ANKDD1A: variants seen among roughly 807,000 people sequenced by gnomAD.
The protein encoded by ANKDD1A is ankyrin repeat and death domain containing 1A.
Under a neutral mutation model 63.5 loss-of-function variants are expected in ANKDD1A, and 59 were observed. The ratio of observed to expected loss-of-function variants is 0.93; its 90% CI spans 0.75 to 1.15. ANKDD1A has a LOEUF of 1.15. Ranked by LOEUF, ANKDD1A falls within the 50% of genes most tolerant of loss-of-function variation. ANKDD1A has a pLI of 0.00. For synonymous variants in ANKDD1A, 266 were observed against 263.9 expected, an observed-to-expected ratio of 1.01 and a Z score of -0.08; for missense variants, 632 against 656.4, an observed-to-expected ratio of 0.96 and a Z score of 0.41.
chr15:64,912,736 A>G (rs1287800852), intron 1 of ANKDD1A, among the ~76,000 whole-genome samples: 1 of 152,246 alleles, frequency 6.6e-6, no homozygotes, highest in East Asian at 1.9e-4. Context: ...GCTTTCCCTC[A>G]AAAGCGCATA....
In ANKDD1A at chr15:64,942,003, G is replaced by A. The variant is rs1014014471; in HGVS notation, c.868-464G>A. Among the ~76,000 whole-genome samples the A allele has an allele frequency of 2.6e-5, 4 of 152,172 alleles. No individual in the cohort carries two copies. The East Asian group carries it at 7.7e-4, about 29-fold the overall frequency. On this transcript the variant is annotated intron_variant, in intron 9 of 14. Coordinates refer to ENST00000319580, the MANE Select transcript of ANKDD1A (RefSeq NM_182703.6). ...GTTCCTATTAGCTAAGTATCCTTGGGTAAGTCATTTAAGTTTTCTGAACTT... is the reference window on the plus strand; with the variant it reads ...GTTCCTATTAGCTAAGTATCCTTGGATAAGTCATTTAAGTTTTCTGAACTT...
Position 64,931,597 on chromosome 15 carries a change from C to T in ANKDD1A, c.768+12C>T, listed in dbSNP as rs775499473. The T allele has an allele frequency of 8.1e-6, 13 of 1,613,290 alleles. No homozygotes were observed. In the East Asian group the frequency reaches 2.5e-4, roughly 30 times the overall value. On this transcript the variant is annotated intron_variant, in intron 8 of 14. Coordinates refer to ENST00000319580, the MANE Select transcript of ANKDD1A (RefSeq NM_182703.6). The stretch of plus-strand genomic sequence containing the variant: ...ATGCCCTCACCCAGGTAGCCAGGCC[C>T]TCCCAAGACTGCGGTCGGCTCTTGG...
At chr15:64,941,958 A>T (rs550815369) in intron 9 of ANKDD1A, among the ~76,000 whole-genome samples, 2 of 152,322 alleles carry the variant, frequency 1.3e-5, no homozygotes, top group East Asian at 3.9e-4. Context: ...TGGTGGGAGT[A>T]GAAAGTCCAA....
intron 14 of ANKDD1A, 35 bp from the exon 15 acceptor site, chr15:64,957,068 T>A: frequency 2.2e-6 from 1 of 450,074 alleles, no homozygotes. Flanking sequence ...ATTGTTTTGT[T>A]TTGTTTTTTG....
chr15:64,915,001 T>G (rs2084958550), intron 1 of ANKDD1A, among the ~76,000 whole-genome samples: 1 of 151,386 alleles, frequency 6.6e-6, no homozygotes, highest in African/African-American at 2.4e-5. Context: ...TGGTTAGGAT[T>G]TGGGCAAGAG....
intron 1 of ANKDD1A, chr15:64,914,164 C>G (rs1421457894): frequency 1.3e-5 from 2 of 151,822 alleles, no homozygotes; most frequent in Non-Finnish European, 2.9e-5. Context: ...ATTTTTGTAT[C>G]TTTAGTAGAG....
At chr15:64,914,990 C>A (rs2084958502) in intron 1 of ANKDD1A, among the ~76,000 whole-genome samples, 1 of 152,018 alleles carries the variant, frequency 6.6e-6, no homozygotes, top group Non-Finnish European at 1.5e-5. Context: ...CAGGTGGAAG[C>A]TGGTTAGGAT....
At chr15:64,954,618 TCTTTTCTTCTTC>T (rs1188761532) in intron 14 of ANKDD1A, among the ~76,000 whole-genome samples, 1,593 of 116,238 alleles carry the variant, frequency 0.014, 29 homozygotes, top group African/African-American at 0.046. Context: ...TCCTCCTTCC[TCTTTTCTTCTTC>T]CTTTTCTTCT....
intron 4 of ANKDD1A, among the ~76,000 whole-genome samples, chr15:64,923,412 G>T (rs1032926547): frequency 9.9e-5 from 15 of 152,110 alleles, no homozygotes; most frequent in African/African-American, 3.4e-4. Context: ...ATAGTAATTT[G>T]TTATAGCAGC....
intron 14 of ANKDD1A, among the ~76,000 whole-genome samples, chr15:64,951,913 CTTG>C (rs1321514180): frequency 2.6e-4 from 33 of 128,444 alleles, no homozygotes; most frequent in African/African-American, 6.9e-4. Flanking sequence ...TCTTCGTCCT[CTTG>C]TTCTTTCCTC....
rs1428478311 is a variant in ANKDD1A at position 64,943,490 on chromosome 15, C to G, written c.973C>G (p.Gln325Glu). Reference sequence around the variant, plus strand: ...CCCTTGGCTTCTCCCCTAGAGGCAGCAGACGCCCCTTCACCTGGCTGCAGA... The same window carrying G: ...CCCTTGGCTTCTCCCCTAGAGGCAGGAGACGCCCCTTCACCTGGCTGCAGA... ...SDVNAVDNRQ[Q>E]TPLHLAAEHA... The change falls in exon 11 of 15, where the codon CAG becomes GAG. Residue 325 changes from glutamine to glutamate, a missense_variant. Physicochemically the swap from Gln to Glu is conservative, Grantham distance 29 (BLOSUM62 2). Transcript: ENST00000319580. 1 of 1,614,176 alleles carries G rather than the reference C, an allele frequency of 6.2e-7. No individual in the cohort carries two copies. Among genetic ancestry groups the G allele is most frequent in the Admixed American group, 1.7e-5 (1 of 60,030 alleles).
At position 64,926,065 on chromosome 15, in the gene ANKDD1A, G is replaced by T; in HGVS notation, c.367-1G>T. Reference sequence around the variant, plus strand: ...AGGAACCCTCCTGCACTTGTTTCCAGGATGGCCTGACCTTACTGCACTGCG... The same window carrying T: ...AGGAACCCTCCTGCACTTGTTTCCATGATGGCCTGACCTTACTGCACTGCG... On this transcript the variant is annotated splice_acceptor_variant, in intron 4 of 14. Transcript: ENST00000319580. LOFTEE classifies it high-confidence loss of function. 1 of 1,612,602 alleles carries T rather than the reference G, an allele frequency of 6.2e-7. No homozygotes were observed. Among genetic ancestry groups the T allele is most frequent in the Non-Finnish European group, 8.5e-7 (1 of 1,179,558 alleles).
chr15:64,917,732 C>T (rs998252302), intron 3 of ANKDD1A, among the ~76,000 whole-genome samples: 3 of 152,222 alleles, frequency 2.0e-5, no homozygotes, highest in Admixed American at 2.0e-4. Flanking sequence ...TTTCAGTTCT[C>T]AGAGAGCCTT....
At position 64,949,972 on chromosome 15, in the gene ANKDD1A, G is replaced by T; in HGVS notation, c.1483G>T (p.Gly495Cys). ...GGCCATTGGCAGGAGGGACCTGGCT[G>T]GTAAGAGCGTACTCTGCTGGGCTGC... ...LVAIGRRDLA[G>C]WSTMARSQLT... Residue 495 changes from glycine (G) to cysteine (C), a missense_variant and splice_region_variant, in exon 14 of 15, where the codon GGC (glycine) becomes TGC (cysteine). Gly to Cys is a radical substitution (Grantham distance 159). Transcript: ENST00000319580. 1 of 1,609,186 alleles carries T rather than the reference G, an allele frequency of 6.2e-7. No individual in the cohort carries two copies. The highest frequency in any genetic ancestry group is 1.1e-5 in the South Asian group (1 of 91,052).
intron 6 of ANKDD1A, among the ~76,000 whole-genome samples, chr15:64,929,067 G>A (rs1345393520): frequency 1.3e-5 from 2 of 152,210 alleles, no homozygotes; most frequent in Non-Finnish European, 2.9e-5. Flanking sequence ...GTCCTGGCTC[G>A]CAGCAGCCAG....
intron 14 of ANKDD1A, among the ~76,000 whole-genome samples, chr15:64,955,953 T>G (rs2085412855): frequency 6.6e-6 from 1 of 152,124 alleles, no homozygotes; most frequent in African/African-American, 2.4e-5. Context: ...AAGCAAAAGA[T>G]TGGAAACAAA....
Position 64,931,474 on chromosome 15 carries a change from T to G in ANKDD1A, c.670-13T>G. 6.2e-7 allele frequency: 1 copy of G among 1,612,178 alleles called. No individual in the cohort carries two copies. The highest frequency in any genetic ancestry group is 8.5e-7 in the Non-Finnish European group (1 of 1,179,114). On this transcript the variant is annotated splice_polypyrimidine_tract_variant and intron_variant, in intron 7 of 14. Transcript: ENST00000319580. ...CTCCCCACCATCCTCATTGCTCTTC[T>G]TGTGTGTTGCAGGAAGGTCTGACTG...
At chr15:64,918,345 T>C (rs1157040957) in intron 3 of ANKDD1A, among the ~76,000 whole-genome samples, 1 of 152,244 alleles carries the variant, frequency 6.6e-6, no homozygotes, top group Non-Finnish European at 1.5e-5. Context: ...CCGGCTTCTC[T>C]CTGCTCCCAG....
chr15:64,953,370 C>T (rs1298697839), intron 14 of ANKDD1A, among the ~76,000 whole-genome samples: 1 of 113,924 alleles, frequency 8.8e-6, no homozygotes, highest in Non-Finnish European at 1.9e-5. Context: ...CTTTCTTCTC[C>T]TTCTTTTCCT....
Sources: gnomAD v4.1 joint callset for allele counts (sites outside exome capture counted in the v4.1 genomes callset) on GRCh38, gnomAD v4.1.1 for gene constraint, MANE v1.5 for transcripts, NCBI Gene and HGNC (gene_info 2026-07-23, HGNC 2026-07-21) for gene names.